Variants in KIAA1328 observed in about 807,000 individuals in gnomAD.
The protein encoded by KIAA1328 is protein hinderin.
KIAA1328 carries 52 observed loss-of-function variants against 68.1 expected under a neutral mutation model. The ratio of observed to expected loss-of-function variants is 0.76; its 90% CI spans 0.61 to 0.96. The LOEUF is 0.96. Ranked by LOEUF, KIAA1328 falls within the 40% of genes least tolerant of loss-of-function variation. The probability of loss-of-function intolerance (pLI) is 0.00; values close to 1 mark genes in which losing one functional copy is unlikely to be tolerated. For synonymous variants in KIAA1328, 232 were observed against 239.4 expected (o/e 0.97, Z 0.28); for missense variants, 641 against 677.6 (o/e 0.95, Z 0.60).
In KIAA1328 at chr18:37,024,795, G is replaced by A. The variant is rs150650858; in HGVS notation, c.577-42095G>A. 2.8e-3 allele frequency among the ~76,000 whole-genome samples: 420 copies of A among 152,222 alleles called. 16 individuals carry two copies. In the East Asian group the frequency reaches 0.076, roughly 28 times the overall value. ...TCTATCATTGTTGGACATTTCGGTTGGTTCCAAGTCTTTGCTATTGTGAAT... is the reference window on the plus strand; with the variant it reads ...TCTATCATTGTTGGACATTTCGGTTAGTTCCAAGTCTTTGCTATTGTGAAT... On this transcript the variant is annotated intron_variant, in intron 6 of 9. Transcript: ENST00000280020.
Position 37,030,638 on chromosome 18 carries a change from T to G in KIAA1328, c.577-36252T>G, listed in dbSNP as rs551714511. ...AATAATATAATCAGCAATTATTGGATATAGTATTCTGTTTATCAGTAGGGT... is the reference window on the plus strand; with the variant it reads ...AATAATATAATCAGCAATTATTGGAGATAGTATTCTGTTTATCAGTAGGGT... On this transcript the variant is annotated intron_variant, in intron 6 of 9. Coordinates refer to ENST00000280020, the MANE Select transcript of KIAA1328 (RefSeq NM_020776.3). Among the ~76,000 whole-genome samples the G allele has an allele frequency of 6.8e-4, 104 of 152,338 alleles. No homozygotes were observed. The Middle Eastern group carries it at 0.014, about 20-fold the overall frequency.
intron 7 of KIAA1328, among the ~76,000 whole-genome samples, chr18:37,125,923 T>C (rs1194183965): frequency 6.6e-6 from 1 of 152,186 alleles, no homozygotes; most frequent in Non-Finnish European, 1.5e-5. Context: ...CATATTAATT[T>C]TTCCCTGTGT....
intron 5 of KIAA1328, among the ~76,000 whole-genome samples, chr18:36,907,862 A>G (rs2049280106): frequency 6.6e-6 from 1 of 152,128 alleles, no homozygotes; most frequent in Non-Finnish European, 1.5e-5. Flanking sequence ...TTTACTAAGA[A>G]ACTCTCTGAG....
chr18:37,222,137 T>A lies in KIAA1328; in HGVS notation c.1644T>A (p.Pro548=). ...AWNHGTFRLS[P]LKSTRKKMGM... ...ATCATGGTACTTTCCGACTCAGTCC[T>A]CTAAAATCAACCCGGAAGAAGATGG... The change falls in exon 10 of 10, where the codon CCT becomes CCA. Residue 548 remains proline (P), a synonymous_variant. Transcript: ENST00000280020. 1 of 1,611,720 alleles carries A rather than the reference T, an allele frequency of 6.2e-7. No homozygotes were observed. Among genetic ancestry groups the A allele is most frequent in the Non-Finnish European group, 8.5e-7 (1 of 1,178,846 alleles).
intron 6 of KIAA1328, among the ~76,000 whole-genome samples, chr18:36,982,103 ATATAAT>A (rs1324724340): frequency 7.0e-6 from 1 of 143,030 alleles, no homozygotes; most frequent in Non-Finnish European, 1.5e-5. Flanking sequence ...ATTATATATA[ATATAAT>A]TATATAATAT....
chr18:36,999,058 T>C (rs1255928981), intron 6 of KIAA1328, among the ~76,000 whole-genome samples: 2 of 152,174 alleles, frequency 1.3e-5, no homozygotes, highest in African/African-American at 4.8e-5. Context: ...TATGAATGAA[T>C]TATGAAAGCA....
intron 5 of KIAA1328, among the ~76,000 whole-genome samples, chr18:36,930,025 G>C (rs2050256008): frequency 6.6e-6 from 1 of 152,046 alleles, no homozygotes; most frequent in African/African-American, 2.4e-5. Context: ...TACTGAGAAG[G>C]ACTCTCAGGC....
intron 5 of KIAA1328, 50 bp downstream of exon 5, chr18:36,885,722 TC>T: frequency 8.0e-7 from 1 of 1,249,948 alleles, no homozygotes; most frequent in Non-Finnish European, 1.1e-6. Flanking sequence ...TTTGACTATT[TC>T]TTTTTTTTTT....
At chr18:37,230,487 T>A (rs2060659590), downstream of KIAA1328, 1 of 152,226 alleles carries the variant, frequency 6.6e-6, no homozygotes, top group African/African-American at 2.4e-5. Context: ...CCTGTTTACT[T>A]TTCTGATTTC....
At chr18:36,925,695 G>C (rs2050089234) in intron 5 of KIAA1328, among the ~76,000 whole-genome samples, 2 of 151,812 alleles carry the variant, frequency 1.3e-5, no homozygotes, top group South Asian at 4.2e-4. Flanking sequence ...ATGCCACCAT[G>C]CCTGGCCAAT....
intron 6 of KIAA1328, among the ~76,000 whole-genome samples, chr18:36,996,312 T>C (rs1174783860): frequency 6.6e-6 from 1 of 152,154 alleles, no homozygotes; most frequent in Non-Finnish European, 1.5e-5. Context: ...CCTCATGAGG[T>C]AGGCACCATT....
At chr18:36,877,062 C>A (rs1053305793) in intron 4 of KIAA1328, among the ~76,000 whole-genome samples, 3 of 152,132 alleles carry the variant, frequency 2.0e-5, no homozygotes, top group African/African-American at 7.2e-5. Context: ...GATTTCCAAT[C>A]TTTTGCATTT....
At chr18:36,999,603 A>G (rs1015250381) in intron 6 of KIAA1328, among the ~76,000 whole-genome samples, 4 of 152,348 alleles carry the variant, frequency 2.6e-5, no homozygotes, top group African/African-American at 9.6e-5. Context: ...CTCAAAGAGA[A>G]TGGGATGATA....
intron 5 of KIAA1328, among the ~76,000 whole-genome samples, chr18:36,955,408 C>T (rs1044428786): frequency 2.0e-5 from 3 of 150,816 alleles, no homozygotes; most frequent in East Asian, 2.0e-4. Context: ...CTCCTGGGTT[C>T]AAGCGATTCT....
chr18:37,211,724 T>G (rs974807637), intron 9 of KIAA1328, among the ~76,000 whole-genome samples: 5 of 152,220 alleles, frequency 3.3e-5, no homozygotes, highest in South Asian at 2.1e-4. Flanking sequence ...TATTTCCATG[T>G]TATAAATTTT....
intron 8 of KIAA1328, 125 bp downstream of exon 8, chr18:37,160,506 C>A: frequency 1.4e-6 from 1 of 737,390 alleles, no homozygotes; most frequent in South Asian, 2.2e-5. Context: ...CTGAAGTGTG[C>A]CTGCAAGGCC....
intron 6 of KIAA1328, among the ~76,000 whole-genome samples, chr18:36,962,745 A>C (rs1409206342): frequency 6.6e-6 from 1 of 152,228 alleles, no homozygotes; most frequent in Admixed American, 6.5e-5. Flanking sequence ...ATGAAGGCAG[A>C]AATAAAGATC....
At position 37,083,836 on chromosome 18, in the gene KIAA1328, C is replaced by T. The variant is rs554205311; in HGVS notation, c.1232+16291C>T. Among the ~76,000 whole-genome samples the T allele has an allele frequency of 5.9e-4, 90 of 152,212 alleles. 3 individuals carry two copies. The South Asian group carries it at 0.018, about 31-fold the overall frequency. On this transcript the variant is annotated intron_variant, in intron 7 of 9. Transcript: ENST00000280020. ...AATAGAGGGAAGAATTAACTTTCTG[C>T]GGCAGAGATTTAAAGTGCTCCTATT...
chr18:37,118,866 A>G (rs1006107501), intron 7 of KIAA1328, among the ~76,000 whole-genome samples: 96 of 152,180 alleles, frequency 6.3e-4, no homozygotes, highest in African/African-American at 1.9e-3. Flanking sequence ...ACAGCACCAT[A>G]TATTAGACAA....
Sources: allele counts gnomAD v4.1 joint callset (sites outside exome capture counted in the v4.1 genomes callset), GRCh38; gene constraint gnomAD v4.1.1; transcripts MANE v1.5; gene names NCBI Gene and HGNC (gene_info 2026-07-23, HGNC 2026-07-21).